SLK: variants seen among roughly 807,000 people sequenced by gnomAD.
The protein encoded by SLK is STE20 like kinase, also known as STE20-like serine/threonine-protein kinase.
Under a neutral mutation model 147.7 loss-of-function variants are expected in SLK, and 67 were observed. The ratio of observed to expected loss-of-function variants is 0.45; its 90% confidence interval spans 0.37 to 0.56. The LOEUF (loss-of-function observed/expected upper bound fraction) is 0.56. Among genes scored for constraint, SLK ranks in the 20% least tolerant of loss-of-function variants. The probability of loss-of-function intolerance (pLI) is 0.00; values close to 1 mark genes in which losing one functional copy is unlikely to be tolerated. For synonymous variants in SLK, 441 were observed against 475.0 expected (o/e 0.93, Z 0.93); for missense variants, 1,136 against 1,438.8 (o/e 0.79, Z 3.41).
At chr10:103,972,920 A>G (rs77738785) in intron 1 of SLK, among the ~76,000 whole-genome samples, 4,914 of 152,188 alleles carry the variant, frequency 0.032, 249 homozygotes, top group African/African-American at 0.11. Context: ...TGTGTACAAT[A>G]TATGTGTTTT....
At chr10:103,984,055 C>T (rs952931895) in intron 1 of SLK, among the ~76,000 whole-genome samples, 11 of 152,136 alleles carry the variant, frequency 7.2e-5, no homozygotes, top group African/African-American at 2.7e-4. Flanking sequence ...CAGAGTTAGT[C>T]ATTGTTTTTA....
intron 1 of SLK, among the ~76,000 whole-genome samples, chr10:103,975,054 C>T (rs1268659914): frequency 6.6e-6 from 1 of 151,756 alleles, no homozygotes; most frequent in Non-Finnish European, 1.5e-5. Flanking sequence ...GGTTCTTCCT[C>T]TTTCTGACTT....
intron 2 of SLK, among the ~76,000 whole-genome samples, chr10:103,992,141 G>GTTTTGTTTTTT (rs1554842831): frequency 1.1e-5 from 1 of 91,792 alleles, no homozygotes; most frequent in Non-Finnish European, 2.1e-5. Flanking sequence ...TATTTCTTCT[G>GTTTTGTTTTTT]TTTTTTTTTT....
chr10:104,005,517 A>G lies in SLK; in HGVS notation c.2350-44A>G, dbSNP rs754605426. 19 of 1,548,432 alleles carry G rather than the reference A, an allele frequency of 1.2e-5. No homozygotes were observed. The East Asian group carries it at 4.1e-4, about 33-fold the overall frequency. ...GAAGAAGAAAATGTTTTCTACCTCC[A>G]GTATTCCTTGTACAAAGCCTAACTA... On this transcript the variant is annotated intron_variant, in intron 9 of 18. Transcript: ENST00000369755.
At chr10:103,980,838 A>G (rs139708061) in intron 1 of SLK, among the ~76,000 whole-genome samples, 55 of 152,276 alleles carry the variant, frequency 3.6e-4, no homozygotes, top group African/African-American at 1.2e-3. Flanking sequence ...TTTAGGGTAT[A>G]TACCCAGGAG....
At chr10:103,985,589 G>C (rs1216836104) in intron 1 of SLK, among the ~76,000 whole-genome samples, 2 of 151,858 alleles carry the variant, frequency 1.3e-5, no homozygotes, top group African/African-American at 4.8e-5. Flanking sequence ...GATTCCTTTT[G>C]TATTTATCTT....
intron 1 of SLK, among the ~76,000 whole-genome samples, chr10:103,973,959 G>A (rs1843826605): frequency 6.6e-6 from 1 of 152,190 alleles, no homozygotes; most frequent in South Asian, 2.1e-4. Context: ...GGCTGCAAGA[G>A]TTGCTGTTGA....
At chr10:103,997,184 C>T (rs1043558966) in intron 4 of SLK, among the ~76,000 whole-genome samples, 2 of 152,186 alleles carry the variant, frequency 1.3e-5, no homozygotes, top group East Asian at 3.8e-4. Context: ...AACATTTGTC[C>T]TTTTGTGACT....
At chr10:104,008,864 T>G (rs1297820372) in intron 12 of SLK, among the ~76,000 whole-genome samples, 1 of 152,226 alleles carries the variant, frequency 6.6e-6, no homozygotes, top group Non-Finnish European at 1.5e-5. Context: ...TTTATTGCCT[T>G]TCATGGGTAT....
At chr10:103,969,972 C>T (rs982807516) in intron 1 of SLK, among the ~76,000 whole-genome samples, 3 of 152,146 alleles carry the variant, frequency 2.0e-5, no homozygotes, top group African/African-American at 4.8e-5. Flanking sequence ...TAAGTTTTAT[C>T]GAATATAAAC....
chr10:103,983,879 G>A (rs1843978461), intron 1 of SLK, among the ~76,000 whole-genome samples: 1 of 152,148 alleles, frequency 6.6e-6, no homozygotes, highest in Admixed American at 6.5e-5. Context: ...GCAGCACTCT[G>A]TCCTCAGAGG....
intron 13 of SLK, among the ~76,000 whole-genome samples, chr10:104,017,680 A>T (rs989572502): frequency 6.6e-6 from 1 of 152,070 alleles, no homozygotes; most frequent in African/African-American, 2.4e-5. Context: ...GGGTTTCACC[A>T]TGTTGGCCAG....
intron 1 of SLK, among the ~76,000 whole-genome samples, chr10:103,972,303 G>A (rs1217018551): frequency 2.6e-5 from 4 of 152,206 alleles, no homozygotes; most frequent in Non-Finnish European, 5.9e-5. Context: ...CTAGGTTATA[G>A]GGTAGTGTAT....
intron 11 of SLK, among the ~76,000 whole-genome samples, chr10:104,007,507 C>G (rs1844342528): frequency 6.6e-6 from 1 of 151,966 alleles, no homozygotes; most frequent in African/African-American, 2.4e-5. Flanking sequence ...ACTCAGGCGG[C>G]TGAGGCATGA....
chr10:103,967,688 CTT>C lies in SLK; in HGVS notation c.-56_-55del. ...CGCGCGGGAGAGCAGGGAAGAGAAA[CTT>C]TGCCTTTTATTGTTTTTAGTCCTTA... On this transcript the variant is annotated 5_prime_UTR_variant, in exon 1 of 19. Transcript: ENST00000369755. 3.2e-6 allele frequency: 5 copies of C among 1,553,178 alleles called. No individual in the cohort carries two copies. Among genetic ancestry groups the C allele is most frequent in the Middle Eastern group, 3.4e-4 (2 of 5,862 alleles).
At chr10:104,022,066 A>G (rs912797460) in intron 18 of SLK, among the ~76,000 whole-genome samples, 22 of 152,272 alleles carry the variant, frequency 1.4e-4, no homozygotes, top group African/African-American at 4.8e-4. Flanking sequence ...AAGGGTGAGT[A>G]AGAACTTGCT....
chr10:104,018,116 G>T, intron 13 of SLK, 44 bp from the exon 14 acceptor site: 5 of 1,496,900 alleles, frequency 3.3e-6, no homozygotes, highest in Non-Finnish European at 4.5e-6. Flanking sequence ...TGGATGTTTA[G>T]TTCATTAGAT....
At chr10:104,014,962 C>T (rs1372503140) in intron 13 of SLK, among the ~76,000 whole-genome samples, 1 of 151,608 alleles carries the variant, frequency 6.6e-6, no homozygotes, top group African/African-American at 2.4e-5. Context: ...TCTTTTCATA[C>T]CTGAAAGTAA....
intron 1 of SLK, among the ~76,000 whole-genome samples, chr10:103,982,718 TA>T (rs1391094896): frequency 6.6e-6 from 1 of 152,254 alleles, no homozygotes; most frequent in Admixed American, 6.5e-5. Flanking sequence ...TATTTGTGTG[TA>T]TGCGCAAAGC....
Sources: allele counts gnomAD v4.1 joint callset (sites outside exome capture counted in the v4.1 genomes callset), GRCh38; gene constraint gnomAD v4.1.1; transcripts MANE v1.5; gene names NCBI Gene and HGNC (gene_info 2026-07-23, HGNC 2026-07-21).